The following ZNF764 variants were observed in gnomAD, a reference collection of about 807,000 sequenced individuals.
The protein encoded by ZNF764 is zinc finger protein 764.
Under a neutral mutation model 13.9 loss-of-function variants are expected in ZNF764, and 10 were observed. That is an observed-to-expected ratio of 0.72 (90% CI 0.44 to 1.22). ZNF764 has a LOEUF of 1.22. Ranked by LOEUF, ZNF764 falls within the 50% of genes most tolerant of loss-of-function variation. The probability of loss-of-function intolerance (pLI) is 0.00; values close to 1 mark genes in which losing one functional copy is unlikely to be tolerated. For missense variants in ZNF764, 647 were observed against 589.7 expected (o/e 1.10, Z -1.01); for synonymous variants, 313 against 255.1 (o/e 1.23, Z -2.16).
At position 30,558,015 on chromosome 16, in the gene ZNF764, C is replaced by A. The variant is rs781004150; in HGVS notation, c.168G>T (p.Arg56=). The change falls in exon 1 of 3, where the codon CGG becomes CGT. Residue 56 remains arginine (R), a synonymous_variant. Coordinates refer to ENST00000395091, the MANE Select transcript of ZNF764 (RefSeq NM_001172679.2). ...AQRALYRDVM[R]ETYGHLSALG... ...GAGCGCTCAGGTGGCCGTAGGTCTC[C>A]CGCATCACGTCCCGGTACAGGGCCC... is the stretch of plus-strand genomic sequence containing the variant. 2.5e-6 allele frequency: 4 copies of A among 1,609,842 alleles called. No homozygotes were observed. Among genetic ancestry groups the A allele is most frequent in the African/African-American group, 1.3e-5 (1 of 74,822 alleles).
In ZNF764 at chr16:30,555,528, T is replaced by G; in HGVS notation, c.890A>C (p.Tyr297Ser). The change falls in exon 3 of 3, where the codon TAC becomes TCC. Residue 297 changes from tyrosine to serine, a missense_variant. Tyr to Ser is a moderately radical substitution (Grantham distance 144, BLOSUM62 -2). Coordinates refer to ENST00000395091, the MANE Select transcript of ZNF764 (RefSeq NM_001172679.2). ...PCPDCGRAFA[Y>S]PSDLRRHVRT... ...CACGTGGCGCCGCAGGTCCGAGGGG[T>G]AGGCGAAGGCGCGGCCACAGTCCGG... The G allele has an allele frequency of 1.3e-6, 2 of 1,533,522 alleles. No homozygotes were observed. Among genetic ancestry groups the G allele is most frequent in the Non-Finnish European group, 8.7e-7 (1 of 1,145,864 alleles). The allele number at this position is 1,533,522 out of a possible 1,614,324, so 95.0% of individuals were successfully genotyped here. A position where few individuals can be genotyped will look rare whatever the true frequency, so the allele number is the denominator to read the frequency against.
At position 30,556,086 on chromosome 16, in the gene ZNF764, T is replaced by C; in HGVS notation, c.332A>G (p.Glu111Gly). ...TDPDSRNKKK[E>G]RQREGTGALE... Reference sequence around the variant, plus strand: ...GGCTCCCGTCCCTTCCCTTTGTCTTTCCTTTTTCTTGTTTCTGGAATCTGC... The same window carrying C: ...GGCTCCCGTCCCTTCCCTTTGTCTTCCCTTTTTCTTGTTTCTGGAATCTGC... Residue 111 changes from glutamate to glycine, a missense_variant, in exon 3 of 3, where the codon GAA (glutamate) becomes GGA (glycine). Coordinates refer to ENST00000395091, the MANE Select transcript of ZNF764 (RefSeq NM_001172679.2). 6.2e-7 allele frequency: 1 copy of C among 1,611,754 alleles called. No homozygotes were observed. Among genetic ancestry groups the C allele is most frequent in the Non-Finnish European group, 8.5e-7 (1 of 1,180,014 alleles).
rs759285620 is a variant in ZNF764 at position 30,557,687 on chromosome 16, A to G, written c.310+46T>C. 13 of 1,608,344 alleles carry G rather than the reference A, an allele frequency of 8.1e-6. No homozygotes were observed. The Admixed American group carries it at 1.8e-4, about 23-fold the overall frequency. ...AGGTGGCAGAGGGTACCGGGATGGG[A>G]CAGGAACAGAGAAGTCCCCATGGGA... On this transcript the variant is annotated intron_variant, in intron 2 of 2. Transcript: ENST00000395091.
At position 30,558,267 on chromosome 16, in the gene ZNF764, C is replaced by G. The variant is rs1022454549; in HGVS notation, c.-85G>C. The G allele has an allele frequency of 1.4e-4, 194 of 1,422,704 alleles. No homozygotes were observed. Among genetic ancestry groups the G allele is most frequent in the Non-Finnish European group, 1.7e-4 (189 of 1,083,846 alleles). The allele number at this position is 1,422,704 out of a possible 1,614,324, so 88.1% of individuals were successfully genotyped here. A position where few individuals can be genotyped will look rare whatever the true frequency, so the allele number is the denominator to read the frequency against. ...GAACCTCCTGCGCCCGAGAAAGCCT[C>G]CCCGGCCCGGGCCCAAGGGAAGGAG... On this transcript the variant is annotated 5_prime_UTR_variant, in exon 1 of 3. Transcript: ENST00000395091.
rs950394951 is a variant in ZNF764, at chr16:30,557,878, G to A, written c.197-32C>T. 2.2e-5 allele frequency: 35 copies of A among 1,580,958 alleles called. No homozygotes were observed. In the Middle Eastern group the frequency reaches 6.6e-4, roughly 30 times the overall value. On this transcript the variant is annotated intron_variant, in intron 1 of 2. Transcript: ENST00000395091. The stretch of plus-strand genomic sequence containing the variant: ...AAGAAGAACGCAAACCCCACGCTGC[G>A]GGGAGGCCACCTGCCCGGCCCCGGG...
In ZNF764 at chr16:30,555,331, C is replaced by T. The variant is rs919529433; in HGVS notation, c.1087G>A (p.Val363Ile). The change falls in exon 3 of 3, where the codon GTT becomes ATT. Residue 363 changes from valine (V) to isoleucine (I), a missense_variant. Coordinates refer to ENST00000395091, the MANE Select transcript of ZNF764 (RefSeq NM_001172679.2). ...QKSAVAKHQW[V>I]HRPGAGGHRG... is the part of the protein sequence containing the mutation. ...TGGCCCCCGGCCCCGGGCCGATGAA[C>T]CCACTGGTGTTTGGCCACGGCTGAC... The T allele has an allele frequency of 2.5e-6, 4 of 1,608,728 alleles. No homozygotes were observed. The highest frequency in any genetic ancestry group is 3.4e-6 in the Non-Finnish European group (4 of 1,177,758).
In ZNF764 at chr16:30,557,304, T is replaced by TA. The variant is rs1225602378; in HGVS notation, c.310+428dup. On this transcript the variant is annotated intron_variant, in intron 2 of 2. Transcript: ENST00000395091. ...CTGGGCAACGGAGTAAAACTCTGTCTAAAAAAAAAAATTACCCAGGCTTCG... is the reference window on the plus strand; with the variant it reads ...CTGGGCAACGGAGTAAAACTCTGTCTAAAAAAAAAAAATTACCCAGGCTTCG... Among the ~76,000 whole-genome samples, 53 of 146,688 alleles carry TA rather than the reference T, an allele frequency of 3.6e-4. 1 individual carries two copies. Among genetic ancestry groups the TA allele is most frequent in the Non-Finnish European group, 4.4e-4 (29 of 66,098 alleles).
At position 30,555,952 on chromosome 16, in the gene ZNF764, G is replaced by C. The variant is rs1314045771; in HGVS notation, c.466C>G (p.Arg156Gly). Residue 156 changes from arginine (R) to glycine (G), a missense_variant, in exon 3 of 3, where the codon CGG becomes GGG. Transcript: ENST00000395091. ...GWEQLSKAPH[R>G]GRPSLCAHPP... ...TGGGCACAGAGGGAGGGGCGTCCCC[G>C]GTGCGGTGCCTTGGACAGCTGCTCC... The C allele has an allele frequency of 6.2e-7, 1 of 1,611,750 alleles. No individual in the cohort carries two copies. Among genetic ancestry groups the C allele is most frequent in the African/African-American group, 1.3e-5 (1 of 75,034 alleles).
chr16:30,555,923 G>A lies in ZNF764; in HGVS notation c.495C>T (p.Pro165=), dbSNP rs151019565. The change falls in exon 3 of 3, where the codon CCC becomes CCT. Residue 165 remains proline (P), a synonymous_variant. Coordinates refer to ENST00000395091, the MANE Select transcript of ZNF764 (RefSeq NM_001172679.2). ...HRGRPSLCAH[P]PVPRADQRHG... Reference sequence around the variant, plus strand: ...GACGCTGGTCAGCTCGGGGGACAGGGGGGTGGGCACAGAGGGAGGGGCGTC... The same window carrying A: ...GACGCTGGTCAGCTCGGGGGACAGGAGGGTGGGCACAGAGGGAGGGGCGTC... 108 of 1,611,734 alleles carry A rather than the reference G, an allele frequency of 6.7e-5. No individual in the cohort carries two copies. Among genetic ancestry groups the A allele is most frequent in the Non-Finnish European group, 8.9e-5 (105 of 1,179,342 alleles).
rs750791064 is a variant in ZNF764, at chr16:30,555,776, A to G, written c.642T>C (p.Ala214=). ...TGGCCCGGTGTTTGCTCAGGGAGGA[A>G]GCGTGGCCGAAGCCCTTGCCGCAGT... ...CTDCGKGFGH[A]SSLSKHRAIH... The change falls in exon 3 of 3, where the codon GCT becomes GCC. Residue 214 remains alanine, a synonymous_variant. Coordinates refer to ENST00000395091, the MANE Select transcript of ZNF764 (RefSeq NM_001172679.2). 2.5e-6 allele frequency: 4 copies of G among 1,609,412 alleles called. No individual in the cohort carries two copies. In the African/African-American group the frequency reaches 5.3e-5, roughly 22 times the overall value.
chr16:30,555,509 G>A lies in ZNF764; in HGVS notation c.909C>T (p.Arg303=), dbSNP rs779598446. Residue 303 remains arginine, a synonymous_variant, in exon 3 of 3, where the codon CGC becomes CGT. Coordinates refer to ENST00000395091, the MANE Select transcript of ZNF764 (RefSeq NM_001172679.2). ...RAFAYPSDLR[R]HVRTHTGEKP... ...TCTCGCCGGTGTGGGTGCGCACGTG[G>A]CGCCGCAGGTCCGAGGGGTAGGCGA... is the stretch of plus-strand genomic sequence containing the variant. The A allele has an allele frequency of 6.5e-7, 1 of 1,537,220 alleles. No individual in the cohort carries two copies. Among genetic ancestry groups the A allele is most frequent in the African/African-American group, 1.4e-5 (1 of 72,270 alleles).
rs369068123 is a variant in ZNF764 at position 30,557,790 on chromosome 16, A to C, written c.253T>G (p.Trp85Gly). The C allele has an allele frequency of 1.1e-5, 18 of 1,612,964 alleles. 1 individual carries two copies. The African/African-American group carries it at 2.4e-4, about 22-fold the overall frequency. Residue 85 changes from tryptophan to glycine, a missense_variant, in exon 2 of 3, where the codon TGG becomes GGG. Trp to Gly is a radical substitution (Grantham distance 184). Coordinates refer to ENST00000395091, the MANE Select transcript of ZNF764 (RefSeq NM_001172679.2). Reference sequence around the variant, plus strand: ...TCCGGATCCTGGGCAGCCGGACCCCACAGTTCGGCCTCCTCCTCCACCCAG... The same window carrying C: ...TCCGGATCCTGGGCAGCCGGACCCCCCAGTTCGGCCTCCTCCTCCACCCAG... ...ISWVEEEAELWGPAAQDPEVA... is the reference protein window; with the variant it reads ...ISWVEEEAELGGPAAQDPEVA...
intron 1 of ZNF764, 23 bp from the exon 2 acceptor site, chr16:30,557,869 C>G (rs776554367): frequency 1.3e-6 from 2 of 1,586,764 alleles, no homozygotes; most frequent in South Asian, 2.3e-5. Context: ...AACGCAAACC[C>G]CACGCTGCGG....
Position 30,554,923 on chromosome 16 carries a change from G to C in ZNF764, c.*271C>G. The C allele has an allele frequency of 2.2e-6, 1 of 456,314 alleles. No homozygotes were observed. Among genetic ancestry groups the C allele is most frequent in the Non-Finnish European group, 3.8e-6 (1 of 262,372 alleles). The allele number at this position is 456,314 out of a possible 1,614,324, so 28.3% of individuals were successfully genotyped here. ...TACCTCAGTCCTCTTAGCACCTCTG[G>C]GCTGAGAAACAGCTTTTGGTTCCCC... On this transcript the variant is annotated 3_prime_UTR_variant, in exon 3 of 3. Transcript: ENST00000395091.
chr16:30,556,636 G>T (rs2051558690), intron 2 of ZNF764, among the ~76,000 whole-genome samples: 1 of 151,968 alleles, frequency 6.6e-6, no homozygotes, highest in Non-Finnish European at 1.5e-5. Context: ...GGTAGAGAAG[G>T]AGGATCAGCC....
Position 30,555,557 on chromosome 16 carries a change from G to T in ZNF764, c.861C>A (p.Pro287=). ...CGAAGGCGCGGCCACAGTCCGGGCA[G>T]GGGAAGGGGGTCTCGCCGCTGTGCA... ...RRVHSGETPF[P]CPDCGRAFAY... is the part of the protein sequence containing the mutation. The change falls in exon 3 of 3, where the codon CCC becomes CCA. Residue 287 remains proline (P), a synonymous_variant. Transcript: ENST00000395091. The T allele has an allele frequency of 6.5e-7, 1 of 1,534,362 alleles. No homozygotes were observed. The highest frequency in any genetic ancestry group is 8.7e-7 in the Non-Finnish European group (1 of 1,146,056).
In ZNF764 at chr16:30,555,298, G is replaced by A. The variant is rs747999329; in HGVS notation, c.1120C>T (p.Arg374Trp). 3.1e-6 allele frequency: 5 copies of A among 1,610,932 alleles called. No homozygotes were observed. Among genetic ancestry groups the A allele is most frequent in the East Asian group, 4.5e-5 (2 of 44,836 alleles). ...GTCACAGACAGACGCCCGGCGACCC[G>A]GCCCCTGTGGCCCCCGGCCCCGGGC... ...HRPGAGGHRGRVAGRLSVTLT... is the reference protein window; with the variant it reads ...HRPGAGGHRGWVAGRLSVTLT... Residue 374 changes from arginine (R) to tryptophan (W), a missense_variant, in exon 3 of 3, where the codon CGG (arginine) becomes TGG (tryptophan). Transcript: ENST00000395091.
Position 30,554,945 on chromosome 16 carries a change from C to A in ZNF764, c.*249G>T, listed in dbSNP as rs942143036. 4 of 470,674 alleles carry A rather than the reference C, an allele frequency of 8.5e-6. No individual in the cohort carries two copies. The highest frequency in any genetic ancestry group is 1.5e-5 in the Non-Finnish European group (4 of 271,804). The allele number at this position is 470,674 out of a possible 1,614,324, so 29.2% of individuals were successfully genotyped here. A position where few individuals can be genotyped will look rare whatever the true frequency, so the allele number is the denominator to read the frequency against. On this transcript the variant is annotated 3_prime_UTR_variant, in exon 3 of 3. Transcript: ENST00000395091. ...CTGGGCTGAGAAACAGCTTTTGGTT[C>A]CCCTTATGTAGGTCTGGGGGTTCTC... is the stretch of plus-strand genomic sequence containing the variant.
chr16:30,557,866 A>G lies in ZNF764; in HGVS notation c.197-20T>C, dbSNP rs2051570686. 1.9e-6 allele frequency: 3 copies of G among 1,588,716 alleles called. No individual in the cohort carries two copies. The Admixed American group carries it at 5.4e-5, about 28-fold the overall frequency. Reference sequence around the variant, plus strand: ...CGATTCCTAGGGAAGAAGAACGCAAACCCCACGCTGCGGGGAGGCCACCTG... The same window carrying G: ...CGATTCCTAGGGAAGAAGAACGCAAGCCCCACGCTGCGGGGAGGCCACCTG... On this transcript the variant is annotated intron_variant, in intron 1 of 2. Transcript: ENST00000395091.
Sources: allele counts gnomAD v4.1 joint callset (sites outside exome capture counted in the v4.1 genomes callset), GRCh38; gene constraint gnomAD v4.1.1; transcripts MANE v1.5; gene names NCBI Gene and HGNC (gene_info 2026-07-23, HGNC 2026-07-21).